The following RHOU variants were observed in gnomAD, a reference collection of about 807,000 sequenced individuals.
RHOU encodes the protein ras homolog family member U, also known as rho-related GTP-binding protein RhoU.
Under a neutral mutation model 12.6 loss-of-function variants are expected in RHOU, and 8 were observed. The ratio of observed to expected loss-of-function variants is 0.64; its 90% confidence interval spans 0.37 to 1.15. The LOEUF (loss-of-function observed/expected upper bound fraction) is 1.15. Among genes scored for constraint, RHOU ranks in the 50% most tolerant of loss-of-function variants. The probability of loss-of-function intolerance (pLI) is 0.01; values close to 1 mark genes in which losing one functional copy is unlikely to be tolerated. For synonymous variants in RHOU, 161 were observed against 147.4 expected, an observed-to-expected ratio of 1.09 and a Z score of -0.67; for missense variants, 258 against 347.0, an observed-to-expected ratio of 0.74 and a Z score of 2.04.
At chr1:228,740,612 G>A (rs1395009452) in intron 2 of RHOU, among the ~76,000 whole-genome samples, 5 of 152,202 alleles carry the variant, frequency 3.3e-5, no homozygotes, top group African/African-American at 9.7e-5. Flanking sequence ...GGGACTTGCT[G>A]TGATACCTGC....
chr1:228,666,328 A>G, the RHOU span, among the ~76,000 whole-genome samples: 5 of 152,194 alleles, frequency 3.3e-5, no homozygotes, highest in East Asian at 9.6e-4. Context: ...GTACATAGTC[A>G]TGAGGTACCT....
chr1:228,719,085 G>A, the RHOU span, among the ~76,000 whole-genome samples: 1 of 152,204 alleles, frequency 6.6e-6, no homozygotes, highest in Non-Finnish European at 1.5e-5. Flanking sequence ...AGTAGAAGGA[G>A]GAGGAGTGGA....
chr1:228,714,749 T>C, the RHOU span, among the ~76,000 whole-genome samples: 1 of 136,534 alleles, frequency 7.3e-6, no homozygotes, highest in Non-Finnish European at 1.6e-5. Context: ...TCTTTTTTTT[T>C]TTTTTTTTTT....
At chr1:228,712,519 A>G in the RHOU span, among the ~76,000 whole-genome samples, 1 of 152,010 alleles carries the variant, frequency 6.6e-6, no homozygotes, top group African/African-American at 2.4e-5. Context: ...AGGGACATGC[A>G]TGAAATTGGA....
chr1:228,701,258 C>T, the RHOU span, among the ~76,000 whole-genome samples: 2 of 152,074 alleles, frequency 1.3e-5, no homozygotes, highest in African/African-American at 4.8e-5. Flanking sequence ...AACATTTAAT[C>T]AAAGTATGAC....
chr1:228,743,109 T>C lies in RHOU; in HGVS notation c.322-176T>C, dbSNP rs570583098. 6.6e-6 allele frequency among the ~76,000 whole-genome samples: 1 copy of C among 152,320 alleles called. No homozygotes were observed. The highest frequency in any genetic ancestry group is 2.4e-5 in the African/African-American group (1 of 41,578). On this transcript the variant is annotated intron_variant, in intron 2 of 2. Coordinates refer to ENST00000366691, the MANE Select transcript of RHOU (RefSeq NM_021205.6). This position sits in a 1 kb window ranked among gnomAD's most constrained non-coding sequence, Gnocchi z 5.1. ...CAGATGGCTGCCACACCTTCGCTGG[T>C]GCACTGGCCCCGCTTGGGTAAACAG...
chr1:228,657,488 G>A, the RHOU span, among the ~76,000 whole-genome samples: 4 of 152,102 alleles, frequency 2.6e-5, no homozygotes, highest in African/African-American at 9.7e-5. Flanking sequence ...TGTAACAATT[G>A]TAAACATTTA....
intron 2 of RHOU, among the ~76,000 whole-genome samples, chr1:228,741,830 G>A (rs1662725217): frequency 2.0e-5 from 3 of 152,112 alleles, no homozygotes; most frequent in Non-Finnish European, 2.9e-5. Context: ...TTCAACTTTC[G>A]CTTACAGAAG....
At chr1:228,653,830 G>A in the RHOU span, among the ~76,000 whole-genome samples, 1,345 of 152,276 alleles carry the variant, frequency 8.8e-3, 3 homozygotes, top group Middle Eastern at 0.017. Context: ...ATGATTAGGC[G>A]AAATTTGATA....
the RHOU span, chr1:228,687,774 G>A: frequency 6.6e-6 from 9 of 1,366,380 alleles, no homozygotes; most frequent in Admixed American, 1.2e-4. Flanking sequence ...ATCTGGCTCG[G>A]CGGAATACCT....
the RHOU span, among the ~76,000 whole-genome samples, chr1:228,713,819 C>G: frequency 6.6e-6 from 1 of 152,116 alleles, no homozygotes; most frequent in Non-Finnish European, 1.5e-5. Context: ...AGAACTGACC[C>G]AACTGTGGGA....
the RHOU span, chr1:228,650,387 C>T: frequency 2.2e-6 from 1 of 458,582 alleles, no homozygotes; most frequent in African/African-American, 2.0e-5. Context: ...AACCTCTATT[C>T]ACTGGTGTGC....
chr1:228,656,069 T>G, the RHOU span, among the ~76,000 whole-genome samples: 1 of 152,242 alleles, frequency 6.6e-6, no homozygotes, highest in African/African-American at 2.4e-5. Flanking sequence ...TATGTAATTC[T>G]CCTCATTTTT....
At chr1:228,690,328 T>G in the RHOU span, among the ~76,000 whole-genome samples, 165 of 152,176 alleles carry the variant, frequency 1.1e-3, 3 homozygotes, top group Middle Eastern at 0.014. Flanking sequence ...TTGTTTGTTT[T>G]TTTTTTTTCT....
At chr1:228,679,549 G>C in the RHOU span, among the ~76,000 whole-genome samples, 1 of 152,018 alleles carries the variant, frequency 6.6e-6, no homozygotes, top group African/African-American at 2.4e-5. Flanking sequence ...GGATAGGCAA[G>C]ACAATTTTGT....
the RHOU span, among the ~76,000 whole-genome samples, chr1:228,713,105 A>G: frequency 6.6e-6 from 1 of 152,018 alleles, no homozygotes; most frequent in South Asian, 2.1e-4. Context: ...AATTCTTGGA[A>G]TTTCCAAAGT....
chr1:228,714,493 A>G, the RHOU span, among the ~76,000 whole-genome samples: 3 of 152,092 alleles, frequency 2.0e-5, no homozygotes, highest in Non-Finnish European at 2.9e-5. Context: ...CACATATTCT[A>G]TAGATACTAA....
At chr1:228,676,208 C>T in the RHOU span, among the ~76,000 whole-genome samples, 3 of 151,630 alleles carry the variant, frequency 2.0e-5, no homozygotes, top group South Asian at 4.2e-4. Flanking sequence ...TGACCTCAAG[C>T]AATCCTTTCA....
the RHOU span, among the ~76,000 whole-genome samples, chr1:228,666,952 A>G: frequency 6.6e-6 from 1 of 152,098 alleles, no homozygotes; most frequent in African/African-American, 2.4e-5. Flanking sequence ...GCAAAACATT[A>G]CCTTTCTTGT....
Sources: gnomAD v4.1 joint callset for allele counts (sites outside exome capture counted in the v4.1 genomes callset) on GRCh38, gnomAD v4.1.1 for gene constraint, Gnocchi (gnomAD v3.1) non-coding constraint, MANE v1.5 for transcripts, NCBI Gene and HGNC (gene_info 2026-07-23, HGNC 2026-07-21) for gene names.